The following CDH18 variants were observed in gnomAD, a reference collection of about 807,000 sequenced individuals.
CDH18 encodes cadherin-18.
CDH18 carries 31 observed loss-of-function variants against 67.9 expected under a neutral mutation model. That is an observed-to-expected ratio of 0.46 (90% CI 0.34 to 0.62). The LOEUF is 0.62. Among genes scored for constraint, CDH18 ranks in the 20% least tolerant of loss-of-function variants. The pLI is 0.01. For synonymous variants in CDH18, 362 were observed against 347.2 expected, an observed-to-expected ratio of 1.04 and a Z score of -0.48; for missense variants, 890 against 975.5, an observed-to-expected ratio of 0.91 and a Z score of 1.17.
intron 2 of CDH18, among the ~76,000 whole-genome samples, chr5:19,884,178 C>T (rs772679956): frequency 6.4e-4 from 98 of 152,150 alleles, no homozygotes; most frequent in Admixed American, 1.8e-3. Flanking sequence ...GCCCCATGTT[C>T]TACTAAAAAG....
intron 2 of CDH18, among the ~76,000 whole-genome samples, chr5:20,175,292 TCAC>T (rs1205666608): frequency 6.6e-6 from 1 of 151,992 alleles, no homozygotes; most frequent in Non-Finnish European, 1.5e-5. Flanking sequence ...AACCCCATAC[TCAC>T]CAGCCTGACA....
chr5:20,109,829 G>T (rs559040595), intron 2 of CDH18, among the ~76,000 whole-genome samples: 1 of 152,196 alleles, frequency 6.6e-6, no homozygotes, highest in Non-Finnish European at 1.5e-5. Flanking sequence ...TTTGAATAAT[G>T]AAGACATTTC....
intron 9 of CDH18, among the ~76,000 whole-genome samples, chr5:19,539,891 T>C (rs953163936): frequency 6.6e-6 from 1 of 152,028 alleles, no homozygotes; most frequent in Admixed American, 6.6e-5. Context: ...AGCCAAACCA[T>C]ATTATTCCAC....
At chr5:20,261,729 T>TA (rs540501991) in intron 1 of CDH18, among the ~76,000 whole-genome samples, 6,155 of 147,142 alleles carry the variant, frequency 0.042, 263 homozygotes, top group African/African-American at 0.11. Flanking sequence ...AGACTCCGTT[T>TA]AAAAAAAAAA....
intron 1 of CDH18, among the ~76,000 whole-genome samples, chr5:20,257,567 C>T (rs1034632780): frequency 1.1e-4 from 17 of 152,016 alleles, no homozygotes; most frequent in African/African-American, 4.1e-4. Flanking sequence ...GATACAGTCT[C>T]CATATATAAC....
chr5:20,348,156 A>C (rs1015179801), intron 1 of CDH18, among the ~76,000 whole-genome samples: 1 of 152,196 alleles, frequency 6.6e-6, no homozygotes, highest in African/African-American at 2.4e-5. Flanking sequence ...ATTTGTGGCT[A>C]TGAGTAAATT....
rs573674476 is a variant in CDH18, at chr5:19,634,862, G to A, written c.644-22261C>T. Among the ~76,000 whole-genome samples the A allele has an allele frequency of 1.2e-4, 18 of 151,600 alleles. No homozygotes were observed. The South Asian group carries it at 1.7e-3, about 14-fold the overall frequency. ...TGAGGCAGGAGAATTGCTTGAACCCGGGAGGCGGAGGTTGCAATGAGCAGA... is the reference window on the plus strand; with the variant it reads ...TGAGGCAGGAGAATTGCTTGAACCCAGGAGGCGGAGGTTGCAATGAGCAGA... On this transcript the variant is annotated intron_variant, in intron 5 of 12. Transcript: ENST00000382275.
chr5:20,170,877 G>A (rs942327819), intron 2 of CDH18, among the ~76,000 whole-genome samples: 1 of 151,688 alleles, frequency 6.6e-6, no homozygotes, highest in Non-Finnish European at 1.5e-5. Flanking sequence ...TCTCTTGTAG[G>A]CTTCTGTGTC....
At chr5:20,511,129 T>G (rs2126484455) in intron 1 of CDH18, among the ~76,000 whole-genome samples, 1 of 152,054 alleles carries the variant, frequency 6.6e-6, no homozygotes, top group East Asian at 1.9e-4. Context: ...AAAAAAAAGA[T>G]CGAACAATTT....
chr5:19,594,087 T>C (rs538596165), intron 6 of CDH18, among the ~76,000 whole-genome samples: 23 of 152,236 alleles, frequency 1.5e-4, no homozygotes, highest in Admixed American at 4.6e-4. Flanking sequence ...GTGTATGATA[T>C]ACAAAAAGAA....
At chr5:19,593,205 T>A (rs1745467038) in intron 6 of CDH18, among the ~76,000 whole-genome samples, 1 of 152,156 alleles carries the variant, frequency 6.6e-6, no homozygotes, top group Admixed American at 6.5e-5. Flanking sequence ...TTAGGTCATA[T>A]AGTAATTTTA....
chr5:19,811,367 G>A (rs1450783059), intron 3 of CDH18, among the ~76,000 whole-genome samples: 2 of 152,082 alleles, frequency 1.3e-5, no homozygotes, highest in African/African-American at 4.8e-5. Context: ...CATCAGTGAT[G>A]TTCTTATAAA....
chr5:20,287,791 T>C (rs1264453618), intron 1 of CDH18, among the ~76,000 whole-genome samples: 2 of 151,736 alleles, frequency 1.3e-5, no homozygotes, highest in Non-Finnish European at 3.0e-5. Context: ...AAATCAACGT[T>C]GTGACTTCTC....
At chr5:20,180,978 T>G (rs576548144) in intron 2 of CDH18, among the ~76,000 whole-genome samples, 30 of 152,288 alleles carry the variant, frequency 2.0e-4, no homozygotes, top group African/African-American at 6.7e-4. Flanking sequence ...TTTCCTTCAC[T>G]CATGCTGTAC....
At chr5:20,333,177 T>C (rs1402827748) in intron 1 of CDH18, among the ~76,000 whole-genome samples, 3 of 151,958 alleles carry the variant, frequency 2.0e-5, no homozygotes, top group African/African-American at 7.3e-5. Context: ...GGAAGTTTAT[T>C]GGTGTGTGGG....
chr5:19,751,477 T>C (rs1158966327), intron 3 of CDH18, among the ~76,000 whole-genome samples: 1 of 152,210 alleles, frequency 6.6e-6, no homozygotes, highest in Non-Finnish European at 1.5e-5. Context: ...TGATTGATCA[T>C]TATCTCCAAA....
At chr5:19,877,150 C>T (rs932571698) in intron 2 of CDH18, among the ~76,000 whole-genome samples, 33 of 152,088 alleles carry the variant, frequency 2.2e-4, no homozygotes, top group Non-Finnish European at 4.6e-4. Context: ...AGCAGTATTA[C>T]TGTACCATGA....
chr5:20,295,825 G>T (rs115112478), intron 1 of CDH18, among the ~76,000 whole-genome samples: 3,477 of 149,560 alleles, frequency 0.023, 109 homozygotes, highest in East Asian at 0.091. Flanking sequence ...AGCTTGATAA[G>T]AAAGATCAAT....
chr5:20,380,973 C>G (rs1054745825), intron 1 of CDH18, among the ~76,000 whole-genome samples: 2 of 152,010 alleles, frequency 1.3e-5, no homozygotes, highest in African/African-American at 4.8e-5. Flanking sequence ...TATTTGGAGA[C>G]AGGACCTTTA....
Sources: gnomAD v4.1 joint callset for allele counts (sites outside exome capture counted in the v4.1 genomes callset) on GRCh38, gnomAD v4.1.1 for gene constraint, MANE v1.5 for transcripts, NCBI Gene and HGNC (gene_info 2026-07-23, HGNC 2026-07-21) for gene names.